The following PAPPA variants were observed in gnomAD, a reference collection of about 807,000 sequenced individuals.
PAPPA encodes the protein pappalysin 1.
Under a neutral mutation model 164.0 loss-of-function variants are expected in PAPPA, and 60 were observed. The ratio of observed to expected loss-of-function variants is 0.37; its 90% CI spans 0.30 to 0.45. PAPPA has a LOEUF of 0.45. Ranked by LOEUF, PAPPA falls within the 20% of genes least tolerant of loss-of-function variation. PAPPA has a pLI of 1.00. For synonymous variants in PAPPA, 875 were observed against 814.1 expected (o/e 1.07, Z -1.27); for missense variants, 1,782 against 2,087.3 (o/e 0.85, Z 2.85).
At chr9:116,234,609 C>T (rs1398839335) in intron 6 of PAPPA, among the ~76,000 whole-genome samples, 4 of 152,182 alleles carry the variant, frequency 2.6e-5, no homozygotes, top group African/African-American at 9.7e-5. Context: ...ATTTATTCTA[C>T]TGTCCCCTGC....
At chr9:116,213,056 G>T (rs1844328050) in intron 4 of PAPPA, among the ~76,000 whole-genome samples, 2 of 152,182 alleles carry the variant, frequency 1.3e-5, no homozygotes, top group South Asian at 4.1e-4. Flanking sequence ...ATGGTTGAGT[G>T]GGGAAATTGA....
chr9:116,264,314 A>G (rs1372636586), intron 7 of PAPPA, among the ~76,000 whole-genome samples: 1 of 152,248 alleles, frequency 6.6e-6, no homozygotes, highest in African/African-American at 2.4e-5. Context: ...ACTCATGCAT[A>G]AAAATCTCTC....
chr9:116,286,414 A>AC (rs1229334327), intron 9 of PAPPA: 3 of 152,100 alleles, frequency 2.0e-5, no homozygotes, highest in East Asian at 1.9e-4. Context: ...CAGGTCTGCC[A>AC]CCCCCCAGGC....
At chr9:116,360,697 C>T (rs1261028820) in intron 17 of PAPPA, among the ~76,000 whole-genome samples, 1 of 152,172 alleles carries the variant, frequency 6.6e-6, no homozygotes, top group Non-Finnish European at 1.5e-5. Context: ...CACCAATTCA[C>T]CCCATCTTTT....
Position 116,396,798 on chromosome 9 carries a change from C to T in PAPPA, c.*182C>T, listed in dbSNP as rs1471755595. Reference sequence around the variant, plus strand: ...ATTGGGGCGAATGAACCAAGTTTCGCCATGCTGGATGATGAAATGGATTCC... The same window carrying T: ...ATTGGGGCGAATGAACCAAGTTTCGTCATGCTGGATGATGAAATGGATTCC... On this transcript the variant is annotated 3_prime_UTR_variant, in exon 22 of 22. Coordinates refer to ENST00000328252, the MANE Select transcript of PAPPA (RefSeq NM_002581.5). The T allele has an allele frequency of 5.1e-6, 3 of 586,702 alleles. No homozygotes were observed. Among genetic ancestry groups the T allele is most frequent in the South Asian group, 2.1e-5 (1 of 46,682 alleles). 36.3% of individuals were successfully genotyped at this position (586,702 alleles called of 1,614,324 possible). A position where few individuals can be genotyped will look rare whatever the true frequency, so the allele number is the denominator to read the frequency against.
intron 9 of PAPPA, among the ~76,000 whole-genome samples, chr9:116,287,994 A>G (rs1219511076): frequency 6.6e-6 from 1 of 152,220 alleles, no homozygotes; most frequent in African/African-American, 2.4e-5. Flanking sequence ...GAACATGAAT[A>G]GTTATGATGA....
At chr9:116,344,346 G>A (rs1846178385) in intron 13 of PAPPA, among the ~76,000 whole-genome samples, 197 bp from the exon 14 acceptor site, 1 of 152,154 alleles carries the variant, frequency 6.6e-6, no homozygotes, top group South Asian at 2.1e-4. Context: ...TTTGTCTGTT[G>A]CCATAACTTG....
intron 21 of PAPPA, among the ~76,000 whole-genome samples, chr9:116,391,649 A>G (rs1846894884): frequency 6.6e-6 from 1 of 152,220 alleles, no homozygotes. Context: ...GGGAGAACCC[A>G]TGTGCCGGAG....
At chr9:116,246,455 C>A (rs368676107) in intron 7 of PAPPA, among the ~76,000 whole-genome samples, 2 of 152,146 alleles carry the variant, frequency 1.3e-5, no homozygotes, top group Admixed American at 6.5e-5. Flanking sequence ...TTAAAAAATT[C>A]TTTGAGCTTT....
Position 116,187,317 on chromosome 9 carries a change from A to G in PAPPA, c.579A>G (p.Pro193=). The change falls in exon 2 of 22, where the codon CCA becomes CCG. Residue 193 remains proline (P), a synonymous_variant. Transcript: ENST00000328252. The surrounding 1 kb of genome is among the most constrained non-coding windows in gnomAD (Gnocchi z 4.2). ...TTINAHRSYL[P]GQWVYLAATY... ...TCAATGCCCACCGCAGCTACCTCCC[A>G]GGCCAGTGGGTATACCTAGCTGCCA... 1 of 1,614,092 alleles carries G rather than the reference A, an allele frequency of 6.2e-7. No homozygotes were observed. The highest frequency in any genetic ancestry group is 8.5e-7 in the Non-Finnish European group (1 of 1,180,020).
chr9:116,217,498 A>G (rs1844388999), intron 4 of PAPPA, among the ~76,000 whole-genome samples: 1 of 152,160 alleles, frequency 6.6e-6, no homozygotes, highest in African/African-American at 2.4e-5. Flanking sequence ...ACATCTTTGT[A>G]TGTCTATTTT....
chr9:116,307,909 T>C (rs1322770042), intron 10 of PAPPA, among the ~76,000 whole-genome samples: 1 of 152,056 alleles, frequency 6.6e-6, no homozygotes, highest in Non-Finnish European at 1.5e-5. Context: ...GAATGATATC[T>C]ACCTGGTAGA....
At position 116,378,508 on chromosome 9, in the gene PAPPA, T is replaced by C. The variant is rs1238423333; in HGVS notation, c.4677+861T>C. On this transcript the variant is annotated intron_variant, in intron 20 of 21. Coordinates refer to ENST00000328252, the MANE Select transcript of PAPPA (RefSeq NM_002581.5). Reference sequence around the variant, plus strand: ...AGGTGAAAAGGATCAGACCATGCCCTAGAAAAAGTCGTATCTGATGAAACT... The same window carrying C: ...AGGTGAAAAGGATCAGACCATGCCCCAGAAAAAGTCGTATCTGATGAAACT... Among the ~76,000 whole-genome samples, 3 of 152,154 alleles carry C rather than the reference T, an allele frequency of 2.0e-5. No homozygotes were observed. The East Asian group carries it at 5.8e-4, about 29-fold the overall frequency.
rs1227864107 is a variant in PAPPA, at chr9:116,269,114, C to T, written c.2862-2211C>T. ...ATAATGACAATAATATTTATACACACTTCTTGAGTCTCTACTGTGCATGAA... is the reference window on the plus strand; with the variant it reads ...ATAATGACAATAATATTTATACACATTTCTTGAGTCTCTACTGTGCATGAA... On this transcript the variant is annotated intron_variant, in intron 8 of 21. Transcript: ENST00000328252. 3.9e-5 allele frequency among the ~76,000 whole-genome samples: 6 copies of T among 152,204 alleles called. No individual in the cohort carries two copies. The South Asian group carries it at 8.3e-4, about 21-fold the overall frequency.
At chr9:116,257,302 G>A (rs188323597) in intron 7 of PAPPA, among the ~76,000 whole-genome samples, 81 of 152,038 alleles carry the variant, frequency 5.3e-4, no homozygotes, top group African/African-American at 1.9e-3. Flanking sequence ...AAAAATTATA[G>A]TAAACTGGGA....
At chr9:116,333,434 G>T (rs1249341925) in intron 12 of PAPPA, among the ~76,000 whole-genome samples, 1 of 152,116 alleles carries the variant, frequency 6.6e-6, no homozygotes, top group African/African-American at 2.4e-5. Flanking sequence ...GGGCAGCCTG[G>T]ATACTCCAAG....
chr9:116,376,318 C>G (rs928001506), intron 19 of PAPPA, among the ~76,000 whole-genome samples: 2 of 152,188 alleles, frequency 1.3e-5, no homozygotes, highest in South Asian at 4.1e-4. Context: ...CACGCCTGGC[C>G]AAGCTTCTAG....
chr9:116,219,675 C>T (rs1182993679), intron 4 of PAPPA, among the ~76,000 whole-genome samples: 9 of 152,136 alleles, frequency 5.9e-5, no homozygotes, highest in Non-Finnish European at 7.4e-5. Flanking sequence ...CTCTGGGCTG[C>T]TCTCTTCCCA....
At chr9:116,297,699 T>A (rs547266824) in intron 9 of PAPPA, among the ~76,000 whole-genome samples, 1 of 152,334 alleles carries the variant, frequency 6.6e-6, no homozygotes, top group African/African-American at 2.4e-5. Flanking sequence ...AGCTCATGCA[T>A]CCTCTTTAAT....
Sources: gnomAD v4.1 joint callset for allele counts (sites outside exome capture counted in the v4.1 genomes callset) on GRCh38, gnomAD v4.1.1 for gene constraint, Gnocchi (gnomAD v3.1) non-coding constraint, MANE v1.5 for transcripts, NCBI Gene and HGNC (gene_info 2026-07-23, HGNC 2026-07-21) for gene names.